Variants in MEGF9 observed in about 807,000 individuals in gnomAD.
The protein encoded by MEGF9 is multiple EGF like domains 9.
A neutral mutation model predicts 46.8 loss-of-function variants in MEGF9; 6 were observed. That is an observed-to-expected ratio of 0.13 (90% CI 0.07 to 0.25). MEGF9 has a LOEUF of 0.25. Among genes scored for constraint, MEGF9 ranks in the 10% least tolerant of loss-of-function variants. The pLI is 1.00. For synonymous variants in MEGF9, 302 were observed against 330.7 expected (o/e 0.91, Z 0.94); for missense variants, 683 against 792.4 (o/e 0.86, Z 1.66).
At chr9:120,621,410 G>T (rs1035065531) in intron 3 of MEGF9, among the ~76,000 whole-genome samples, 2 of 152,114 alleles carry the variant, frequency 1.3e-5, no homozygotes, top group African/African-American at 4.8e-5. Context: ...CTGTATTCAA[G>T]TCTTCTAACT....
At chr9:120,658,423 G>T (rs1209373829) in intron 2 of MEGF9, among the ~76,000 whole-genome samples, 4 of 152,166 alleles carry the variant, frequency 2.6e-5, no homozygotes, top group African/African-American at 4.8e-5. Flanking sequence ...CTTAAAACAT[G>T]TTCTCTCATT....
chr9:120,701,901 G>A (rs1333725543), intron 1 of MEGF9, among the ~76,000 whole-genome samples: 1 of 152,116 alleles, frequency 6.6e-6, no homozygotes, highest in Non-Finnish European at 1.5e-5. Context: ...AAATTAGCCA[G>A]GTGTGGTGGC....
chr9:120,610,598 T>A (rs1040555410), intron 4 of MEGF9, among the ~76,000 whole-genome samples: 1 of 152,216 alleles, frequency 6.6e-6, no homozygotes, highest in African/African-American at 2.4e-5. Flanking sequence ...ACTCAGCTTT[T>A]ATGTCACATC....
intron 1 of MEGF9, among the ~76,000 whole-genome samples, chr9:120,686,147 C>T (rs987824862): frequency 4.1e-5 from 6 of 147,620 alleles, no homozygotes; most frequent in Non-Finnish European, 8.9e-5. Context: ...TGGAGTGCAG[C>T]AGCGTGATCT....
rs558407335 is a variant in MEGF9, at chr9:120,659,363, C to T, written c.803+11G>A. ...ATAAAATAAACTTCAGTTCCACCCTCTGTTGCTTACCTGTTGCACGGTATG... is the reference window on the plus strand; with the variant it reads ...ATAAAATAAACTTCAGTTCCACCCTTTGTTGCTTACCTGTTGCACGGTATG... On this transcript the variant is annotated intron_variant, in intron 2 of 5. Coordinates refer to ENST00000373930, the MANE Select transcript of MEGF9 (RefSeq NM_001080497.3). The T allele has an allele frequency of 1.4e-5, 22 of 1,611,304 alleles. No individual in the cohort carries two copies. Among genetic ancestry groups the T allele is most frequent in the Non-Finnish European group, 1.7e-5 (20 of 1,178,536 alleles).
intron 2 of MEGF9, among the ~76,000 whole-genome samples, chr9:120,655,790 T>G (rs1179074293): frequency 6.6e-6 from 1 of 152,210 alleles, no homozygotes; most frequent in Admixed American, 6.5e-5. Context: ...AAACCATTCC[T>G]AAGGTTAACA....
At chr9:120,680,814 C>G (rs374930852) in intron 1 of MEGF9, among the ~76,000 whole-genome samples, 4 of 152,148 alleles carry the variant, frequency 2.6e-5, no homozygotes, top group African/African-American at 9.7e-5. Context: ...CTGTGGCCAC[C>G]ACCACCACTG....
chr9:120,624,872 CAAAA>C (rs35120272), intron 2 of MEGF9, among the ~76,000 whole-genome samples: 2 of 104,128 alleles, frequency 1.9e-5, no homozygotes, highest in African/African-American at 7.0e-5. Context: ...GACTCCGTCT[CAAAA>C]AAAAAAAAAA....
At chr9:120,644,950 C>A (rs1386771117) in intron 2 of MEGF9, among the ~76,000 whole-genome samples, 1 of 152,112 alleles carries the variant, frequency 6.6e-6, no homozygotes, top group Non-Finnish European at 1.5e-5. Context: ...ATTTGTAGTT[C>A]CTTTCTTCTT....
Position 120,659,410 on chromosome 9 carries a change from C to G in MEGF9, c.767G>C (p.Cys256Ser). 5 of 1,613,824 alleles carry G rather than the reference C, an allele frequency of 3.1e-6. No individual in the cohort carries two copies. The highest frequency in any genetic ancestry group is 3.4e-6 in the Non-Finnish European group (4 of 1,179,840). Residue 256 changes from cysteine to serine, a missense_variant, in exon 2 of 6, where the codon TGT (cysteine) becomes TCT (serine). Transcript: ENST00000373930. Reference protein sequence around the residue: ...YTSGLCQPCDCSPHGALSIPC... With the variant: ...YTSGLCQPCDSSPHGALSIPC... ...TATGCTGAGAGCTCCATGTGGACTA[C>G]AGTCACATGGCTGACAGAGCCCAGA...
At position 120,622,597 on chromosome 9, in the gene MEGF9, A is replaced by G. The variant is rs754588532; in HGVS notation, c.943+19T>C. The G allele has an allele frequency of 3.5e-5, 57 of 1,611,960 alleles. No individual in the cohort carries two copies. The highest frequency in any genetic ancestry group is 4.8e-5 in the Non-Finnish European group (57 of 1,179,162). ...GAACAGTGGAATAATTACATGACAA[A>G]GTTAAGGAAAGTACGTACCTGTGAG... On this transcript the variant is annotated intron_variant, in intron 3 of 5. Transcript: ENST00000373930.
intron 1 of MEGF9, among the ~76,000 whole-genome samples, chr9:120,679,756 A>G (rs142177154): frequency 0.041 from 6,202 of 151,986 alleles, 420 homozygotes; most frequent in African/African-American, 0.14. Context: ...TGGCCAACAT[A>G]GTGAAACCCC....
At chr9:120,656,363 C>T (rs560477601) in intron 2 of MEGF9, among the ~76,000 whole-genome samples, 24 of 151,720 alleles carry the variant, frequency 1.6e-4, no homozygotes, top group African/African-American at 5.1e-4. Context: ...CTGGCTAACA[C>T]GGTGAAACCC....
chr9:120,611,327 A>T (rs1730796980), intron 4 of MEGF9, among the ~76,000 whole-genome samples: 1 of 152,208 alleles, frequency 6.6e-6, no homozygotes, highest in Non-Finnish European at 1.5e-5. Flanking sequence ...TGTAATAGCT[A>T]AAAAGTGGAA....
At chr9:120,701,947 G>A (rs2043907118) in intron 1 of MEGF9, among the ~76,000 whole-genome samples, 2 of 152,084 alleles carry the variant, frequency 1.3e-5, no homozygotes, top group African/African-American at 2.4e-5. Flanking sequence ...GGAGGCTGAG[G>A]CAGGCGAATA....
chr9:120,693,725 C>A (rs187428225), intron 1 of MEGF9, among the ~76,000 whole-genome samples: 6 of 152,042 alleles, frequency 3.9e-5, no homozygotes, highest in Admixed American at 3.9e-4. Flanking sequence ...AACTCAATAC[C>A]ATTATTTGCT....
intron 3 of MEGF9, among the ~76,000 whole-genome samples, chr9:120,613,376 C>G (rs74937081): frequency 0.062 from 9,403 of 151,234 alleles, 951 homozygotes; most frequent in African/African-American, 0.21. Flanking sequence ...AACAGGACTA[C>G]GGAGGAAAAG....
chr9:120,649,851 T>C lies in MEGF9; in HGVS notation c.803+9523A>G, dbSNP rs181423216. Among the ~76,000 whole-genome samples, 145 of 152,300 alleles carry C rather than the reference T, an allele frequency of 9.5e-4. 1 individual carries two copies. Among genetic ancestry groups the C allele is most frequent in the African/African-American group, 3.5e-3 (144 of 41,570 alleles). On this transcript the variant is annotated intron_variant, in intron 2 of 5. Coordinates refer to ENST00000373930, the MANE Select transcript of MEGF9 (RefSeq NM_001080497.3). ...AAGAACCTACGATGATGAGGAGGAC[T>C]TACTGTGTAGCAGCAACGACAGATT...
intron 2 of MEGF9, among the ~76,000 whole-genome samples, chr9:120,638,451 T>A (rs1564417868): frequency 6.6e-6 from 1 of 152,208 alleles, no homozygotes; most frequent in Admixed American, 6.5e-5. Context: ...ATTGAAACAT[T>A]ACTGACAGGG....
Sources: allele counts gnomAD v4.1 joint callset (sites outside exome capture counted in the v4.1 genomes callset), GRCh38; gene constraint gnomAD v4.1.1; transcripts MANE v1.5; gene names NCBI Gene and HGNC (gene_info 2026-07-23, HGNC 2026-07-21).